The following PAXBP1 variants were observed in gnomAD, a reference collection of about 807,000 sequenced individuals.
The protein encoded by PAXBP1 is PAX3- and PAX7-binding protein 1.
A neutral mutation model predicts 119.9 loss-of-function variants in PAXBP1; 44 were observed. The observed-to-expected ratio is 0.37, with a 90% CI of 0.29 to 0.47. The LOEUF is 0.47. Among genes scored for constraint, PAXBP1 ranks in the 20% least tolerant of loss-of-function variants. The pLI is 0.99. For synonymous variants in PAXBP1, 393 were observed against 406.6 expected, an observed-to-expected ratio of 0.97 and a Z score of 0.40; for missense variants, 898 against 1,134.1, an observed-to-expected ratio of 0.79 and a Z score of 2.99.
chr21:32,767,714 G>T (rs1261639257), intron 2 of PAXBP1, among the ~76,000 whole-genome samples: 1 of 152,202 alleles, frequency 6.6e-6, no homozygotes, highest in East Asian at 1.9e-4. Context: ...CATGTAAAAA[G>T]TGCCTTTCAC....
intron 15 of PAXBP1, chr21:32,742,373 C>A (rs1414914191): frequency 6.6e-6 from 1 of 152,226 alleles, no homozygotes; most frequent in Admixed American, 6.5e-5. Context: ...CTCACTCCAG[C>A]TGTCCTATGC....
At chr21:32,756,151 C>A in intron 7 of PAXBP1, 1 of 349,034 alleles carries the variant, frequency 2.9e-6, no homozygotes, top group South Asian at 2.2e-5. Flanking sequence ...TACAAAAGAA[C>A]ATGAGAGCTA....
At chr21:32,755,510 G>A in intron 7 of PAXBP1, 157 bp from the exon 8 acceptor site, 1 of 890,948 alleles carries the variant, frequency 1.1e-6, no homozygotes, top group Non-Finnish European at 1.6e-6. Context: ...TCTGTTTTAT[G>A]TTTGGGAAAC....
In PAXBP1 at chr21:32,734,500, G is replaced by A. The variant is rs1030196524; in HGVS notation, c.*450C>T. Reference sequence around the variant, plus strand: ...CATTTAGTCACTTGCCAGCCCTTTTGTTACAACAGTGTAGTAATTTCCCTA... The same window carrying A: ...CATTTAGTCACTTGCCAGCCCTTTTATTACAACAGTGTAGTAATTTCCCTA... On this transcript the variant is annotated 3_prime_UTR_variant, in exon 18 of 18. Transcript: ENST00000331923. The A allele has an allele frequency of 5.8e-6, 1 of 173,386 alleles. No individual in the cohort carries two copies. The highest frequency in any genetic ancestry group is 2.4e-5 in the African/African-American group (1 of 41,596). The allele number at this position is 173,386 out of a possible 1,614,324, so 10.7% of individuals were successfully genotyped here.
rs1002074158 is a variant in PAXBP1 at position 32,762,731 on chromosome 21, C to T, written c.650-414G>A. Among the ~76,000 whole-genome samples the T allele has an allele frequency of 2.0e-5, 3 of 151,514 alleles. No individual in the cohort carries two copies. In the East Asian group the frequency reaches 5.8e-4, roughly 29 times the overall value. ...GTCAGGAGTTCAAGACCAGCCTGGC[C>T]AACATGGTGAAACCCCATCTCTACA... On this transcript the variant is annotated intron_variant, in intron 3 of 17. Coordinates refer to ENST00000331923, the MANE Select transcript of PAXBP1 (RefSeq NM_016631.4).
intron 15 of PAXBP1, chr21:32,741,692 A>T: frequency 1.6e-6 from 1 of 612,400 alleles, no homozygotes. Context: ...GGCAAAATTA[A>T]GAGTAATATA....
Position 32,743,691 on chromosome 21 carries a change from A to C in PAXBP1, c.2254T>G (p.Leu752Val). 6.3e-7 allele frequency: 1 copy of C among 1,588,966 alleles called. No homozygotes were observed. The highest frequency in any genetic ancestry group is 8.6e-7 in the Non-Finnish European group (1 of 1,159,714). The part of the protein sequence containing the change: ...RTLDDDVFMP[L>V]YPKNVLENKN... Reference sequence around the variant, plus strand: ...AGAGTTACTTACTTTTTGGGATATAAGGGCATAAATACATCATCATCTAAA... The same window carrying C: ...AGAGTTACTTACTTTTTGGGATATACGGGCATAAATACATCATCATCTAAA... Residue 752 changes from leucine (L) to valine (V), a missense_variant, in exon 14 of 18, where the codon TTA becomes GTA. Coordinates refer to ENST00000331923, the MANE Select transcript of PAXBP1 (RefSeq NM_016631.4).
chr21:32,762,445 C>T, intron 3 of PAXBP1, 128 bp from the exon 4 acceptor site: 1 of 1,253,578 alleles, frequency 8.0e-7, no homozygotes, highest in Non-Finnish European at 1.1e-6. Flanking sequence ...GCACCTCCTT[C>T]CCATACTATG....
chr21:32,737,269 T>G lies in PAXBP1; in HGVS notation c.2621A>C (p.Glu874Ala). The part of the protein sequence containing the change: ...YRNSIGCSDV[E>A]KRNARENIKQ... ...ACAAAATTACCTTGCATTTCTTTTT[T>G]CCACATCAGAACACCCGATACTATT... Residue 874 changes from glutamate (E) to alanine (A), a missense_variant, in exon 17 of 18, where the codon GAA becomes GCA. Glu to Ala is a moderately radical substitution (Grantham distance 107). This residue lies in a region of PAXBP1 where 599 missense variants were observed against 852.7 expected (regional missense o/e 0.70). Transcript: ENST00000331923. 6.5e-7 allele frequency: 1 copy of G among 1,534,258 alleles called. No individual in the cohort carries two copies. The highest frequency in any genetic ancestry group is 2.3e-5 in the East Asian group (1 of 42,896).
rs751020829 is a variant in PAXBP1, at chr21:32,759,145, G to A, written c.1318C>T (p.Arg440Trp). The change falls in exon 7 of 18, where the codon CGG (arginine) becomes TGG (tryptophan). Residue 440 changes from arginine (R) to tryptophan (W), a missense_variant. By Grantham distance (101) the Arg-to-Trp change is moderately radical. Around this residue, in one of 2 missense-constraint regions of PAXBP1, gnomAD observed 599 missense variants for 852.7 expected, o/e 0.70. Coordinates refer to ENST00000331923, the MANE Select transcript of PAXBP1 (RefSeq NM_016631.4). ...CGCATTTCTTGCAAAAATTTATACC[G>A]TTCACCAATACCCCCAGAAGACCCT... ...LEGSSGGIGE[R>W]YKFLQEMRGY... The A allele has an allele frequency of 5.6e-6, 9 of 1,613,924 alleles. No individual in the cohort carries two copies. The highest frequency in any genetic ancestry group is 2.2e-5 in the East Asian group (1 of 44,872).
chr21:32,759,147 T>C lies in PAXBP1; in HGVS notation c.1316A>G (p.Glu439Gly). ...CATTTCTTGCAAAAATTTATACCGT[T>C]CACCAATACCCCCAGAAGACCCTTC... ...RLEGSSGGIG[E>G]RYKFLQEMRG... The change falls in exon 7 of 18, where the codon GAA (glutamate) becomes GGA (glycine). Residue 439 changes from glutamate (E) to glycine (G), a missense_variant. This residue lies in a region of PAXBP1 where 599 missense variants were observed against 852.7 expected (regional missense o/e 0.70). Coordinates refer to ENST00000331923, the MANE Select transcript of PAXBP1 (RefSeq NM_016631.4). 6.2e-7 allele frequency: 1 copy of C among 1,614,078 alleles called. No individual in the cohort carries two copies. The highest frequency in any genetic ancestry group is 2.2e-5 in the East Asian group (1 of 44,870).
Position 32,760,009 on chromosome 21 carries a change from G to C in PAXBP1, c.976-15C>G. On this transcript the variant is annotated splice_polypyrimidine_tract_variant and intron_variant, in intron 5 of 17. Transcript: ENST00000331923. ...CTGGCTTGAACCTAGAAAAGAAATG[G>C]GATATAGATGAAATCTGGTAGTTAA... 6.3e-7 allele frequency: 1 copy of C among 1,582,004 alleles called. No individual in the cohort carries two copies. Among genetic ancestry groups the C allele is most frequent in the Non-Finnish European group, 8.6e-7 (1 of 1,156,164 alleles).
chr21:32,750,056 A>G (rs1353909831), intron 10 of PAXBP1, among the ~76,000 whole-genome samples: 2 of 152,196 alleles, frequency 1.3e-5, no homozygotes, highest in African/African-American at 4.8e-5. Flanking sequence ...GATATTAAGA[A>G]ATCTGTTTTC....
chr21:32,755,597 A>T (rs1353395983), intron 7 of PAXBP1: 3 of 328,734 alleles, frequency 9.1e-6, no homozygotes, highest in Non-Finnish European at 1.6e-5. Flanking sequence ...TAGTTAAGAA[A>T]TGTAACACTT....
At chr21:32,744,696 C>T in intron 13 of PAXBP1, 96 bp downstream of exon 13, 1 of 1,250,334 alleles carries the variant, frequency 8.0e-7, no homozygotes, top group Non-Finnish European at 1.1e-6. Flanking sequence ...AACCAGATTT[C>T]TGATTGGTTT....
At chr21:32,751,476 A>C (rs2043957940) in intron 8 of PAXBP1, 1 of 313,438 alleles carries the variant, frequency 3.2e-6, no homozygotes, top group South Asian at 4.3e-5. Flanking sequence ...AATTGGGCTT[A>C]CTCACTATTT....
At position 32,751,266 on chromosome 21, in the gene PAXBP1, T is replaced by C. The variant is rs530737011; in HGVS notation, c.1508-48A>G. 3.8e-4 allele frequency: 602 copies of C among 1,574,070 alleles called. 7 individuals carry two copies. The South Asian group carries it at 6.4e-3, about 17-fold the overall frequency. On this transcript the variant is annotated intron_variant, in intron 8 of 17. Transcript: ENST00000331923. ...ATTAAAAGCCATCTTTCAACAATCT[T>C]GAGGAAAGAGTTTGCACAGAATAAG...
chr21:32,769,164 C>T (rs1409288266), intron 2 of PAXBP1, among the ~76,000 whole-genome samples: 2 of 152,106 alleles, frequency 1.3e-5, no homozygotes, highest in Admixed American at 1.3e-4. Flanking sequence ...TCATTAATTC[C>T]ATAAAATAAA....
At chr21:32,744,624 A>T (rs755832168) in intron 13 of PAXBP1, among the ~76,000 whole-genome samples, 168 bp downstream of exon 13, 2 of 152,110 alleles carry the variant, frequency 1.3e-5, no homozygotes, top group Non-Finnish European at 2.9e-5. Flanking sequence ...AGAAAAAAAA[A>T]ACCTAACATC....
Sources: gnomAD v4.1 joint callset for allele counts (sites outside exome capture counted in the v4.1 genomes callset) on GRCh38, gnomAD v4.1.1 for gene constraint, gnomAD v4.1.1 regional missense constraint, MANE v1.5 for transcripts, NCBI Gene and HGNC (gene_info 2026-07-23, HGNC 2026-07-21) for gene names.